PCDHGB2: variants seen among roughly 807,000 people sequenced by gnomAD.
PCDHGB2 encodes protocadherin gamma-B2.
A neutral mutation model predicts 59.3 loss-of-function variants in PCDHGB2; 55 were observed. The observed-to-expected ratio is 0.93, with a 90% CI of 0.75 to 1.16. The LOEUF is 1.16. Among genes scored for constraint, PCDHGB2 ranks in the 50% most tolerant of loss-of-function variants. PCDHGB2 has a pLI of 0.00. For missense variants in PCDHGB2, 1,228 were observed against 1,198.5 expected (o/e 1.02, Z -0.36); for synonymous variants, 516 against 512.0 (o/e 1.01, Z -0.11).
At chr5:141,417,882 G>A (rs1170069976) in intron 1 of PCDHGB2, 8 of 1,560,746 alleles carry the variant, frequency 5.1e-6, no homozygotes, top group African/African-American at 1.4e-5. Flanking sequence ...TGCGCGCAGA[G>A]GCGCCGGGCC....
At chr5:141,390,370 A>G (rs1252386186) in intron 1 of PCDHGB2, 7 of 1,504,066 alleles carry the variant, frequency 4.7e-6, no homozygotes, top group African/African-American at 4.2e-5. Context: ...AGGAAAATAT[A>G]TAATTTTTAG....
chr5:141,419,122 C>T (rs1418298635), intron 1 of PCDHGB2: 2 of 1,613,862 alleles, frequency 1.2e-6, no homozygotes, highest in African/African-American at 1.3e-5. Flanking sequence ...ACAACGTCAC[C>T]ATCGCAGCCA....
At chr5:141,384,163 C>T in intron 1 of PCDHGB2, 1 of 1,613,658 alleles carries the variant, frequency 6.2e-7, no homozygotes, top group Non-Finnish European at 8.5e-7. Context: ...TAACATCACA[C>T]TGAAAGCCAC....
chr5:141,410,295 T>C (rs1043971768), intron 1 of PCDHGB2: 2 of 1,613,982 alleles, frequency 1.2e-6, no homozygotes, highest in East Asian at 2.2e-5. Context: ...GCCTTGGCCT[T>C]AATCTCAGTG....
intron 1 of PCDHGB2, chr5:141,405,379 G>T: frequency 1.2e-6 from 2 of 1,606,832 alleles, no homozygotes; most frequent in Non-Finnish European, 1.7e-6. Flanking sequence ...TGGTTCCGGT[G>T]AGTTCATTTT....
In PCDHGB2 at chr5:141,364,165, C is replaced by A. The variant is rs556224229; in HGVS notation, c.2421+1609C>A. ...GGAAAGAAGCTGCCGCAGAGGCGAC[C>A]CGACTCTGCTCCCTCCATACTAAAC... On this transcript the variant is annotated intron_variant, in intron 1 of 3. Coordinates refer to ENST00000522605, the MANE Select transcript of PCDHGB2 (RefSeq NM_018923.3). The A allele has an allele frequency of 4.3e-6, 3 of 699,866 alleles. No individual in the cohort carries two copies. In the Admixed American group the frequency reaches 1.1e-4, roughly 26 times the overall value. 43.4% of individuals were successfully genotyped at this position (699,866 alleles called of 1,614,324 possible).
chr5:141,438,700 AC>A (rs2098052453), intron 1 of PCDHGB2, among the ~76,000 whole-genome samples: 1 of 144,406 alleles, frequency 6.9e-6, no homozygotes, highest in Non-Finnish European at 1.5e-5. Context: ...TTGCTCTGTC[AC>A]CCAGGCTGGA....
At chr5:141,446,624 G>C (rs1433894248) in intron 1 of PCDHGB2, among the ~76,000 whole-genome samples, 1 of 151,930 alleles carries the variant, frequency 6.6e-6, no homozygotes, top group African/African-American at 2.4e-5. Flanking sequence ...CTACAGGCGT[G>C]CACCACCACG....
At chr5:141,365,384 C>G in intron 1 of PCDHGB2, 1 of 1,614,020 alleles carries the variant, frequency 6.2e-7, no homozygotes, top group Non-Finnish European at 8.5e-7. Context: ...CCTCACCTCT[C>G]TGACCAGTTC....
At position 141,432,299 on chromosome 5, in the gene PCDHGB2, C is replaced by G; in HGVS notation, c.2422-62508C>G. ...GTCCATCAACTCCGACACTGGGGTA[C>G]TGTATGCGCTGAGCTCCTTCGACTA... is the stretch of plus-strand genomic sequence containing the variant. On this transcript the variant is annotated intron_variant, in intron 1 of 3. Transcript: ENST00000522605. This position sits in a 1 kb window ranked among gnomAD's most constrained non-coding sequence, Gnocchi z 6.0. The G allele has an allele frequency of 2.5e-6, 4 of 1,614,278 alleles. No homozygotes were observed. The highest frequency in any genetic ancestry group is 3.4e-6 in the Non-Finnish European group (4 of 1,180,056).
In PCDHGB2 at chr5:141,431,584, G is replaced by C. The variant is rs201462681; in HGVS notation, c.2422-63223G>C. 5.0e-6 allele frequency: 8 copies of C among 1,614,192 alleles called. No individual in the cohort carries two copies. The Admixed American group carries it at 1.3e-4, about 27-fold the overall frequency. ...CCGACCCTGACGAAGGAGTCAATGC[G>C]GAAGTGAGGTATTCCTTCCGGTATG... On this transcript the variant is annotated intron_variant, in intron 1 of 3. Transcript: ENST00000522605. This position sits in a 1 kb window ranked among gnomAD's most constrained non-coding sequence, Gnocchi z 4.8.
At position 141,409,164 on chromosome 5, in the gene PCDHGB2, C is replaced by T. The variant is rs115772303; in HGVS notation, c.2421+46608C>T. ...GAAAGGTACACCATGGAAGTGGAAG[C>T]GAAGGACGGAGGTGGTCTCTCTACC... On this transcript the variant is annotated intron_variant, in intron 1 of 3. Transcript: ENST00000522605. 2.0e-3 allele frequency: 3,227 copies of T among 1,613,908 alleles called. 51 individuals are homozygous for T. In the African/African-American group the frequency reaches 0.029, roughly 14 times the overall value.
intron 1 of PCDHGB2, chr5:141,402,972 G>A (rs758148844): frequency 6.2e-7 from 1 of 1,608,316 alleles, no homozygotes; most frequent in Non-Finnish European, 8.5e-7. Context: ...CCAACCAAAT[G>A]CCAGCTCCGC....
At chr5:141,492,553 G>A (rs1184580300) in intron 1 of PCDHGB2, among the ~76,000 whole-genome samples, 1 of 152,148 alleles carries the variant, frequency 6.6e-6, no homozygotes, top group Non-Finnish European at 1.5e-5. Flanking sequence ...CGGGTCGCCT[G>A]GGGGGCGGCC....
Position 141,489,712 on chromosome 5 carries a change from C to G in PCDHGB2, c.2422-5095C>G. On this transcript the variant is annotated intron_variant, in intron 1 of 3. Transcript: ENST00000522605. The surrounding 1 kb of genome is among the most constrained non-coding windows in gnomAD (Gnocchi z 4.5). ...GGCACGATTCCCACTGGACAGTGCC[C>G]AGGATCCGGATGTGGGCACCAATAC... The G allele has an allele frequency of 6.2e-7, 1 of 1,614,162 alleles. No individual in the cohort carries two copies. Among genetic ancestry groups the G allele is most frequent in the South Asian group, 1.1e-5 (1 of 91,078 alleles).
At chr5:141,430,781 C>T (rs559701152) in intron 1 of PCDHGB2, 6 of 1,510,922 alleles carry the variant, frequency 4.0e-6, no homozygotes, top group South Asian at 2.7e-5. Context: ...GCGACTGCAC[C>T]GGGACTACAA....
chr5:141,375,377 C>G, intron 1 of PCDHGB2: 1 of 1,613,940 alleles, frequency 6.2e-7, no homozygotes, highest in South Asian at 1.1e-5. Context: ...AACACCACCT[C>G]TGTCTACAGA....
rs1554116817 is a variant in PCDHGB2 at position 141,423,755 on chromosome 5, G to GGC, written c.2421+61200_2421+61201insCG. 3 of 512,420 alleles carry GGC rather than the reference G, an allele frequency of 5.9e-6. No individual in the cohort carries two copies. The African/African-American group carries it at 8.1e-5, about 14-fold the overall frequency. 31.7% of individuals were successfully genotyped at this position (512,420 alleles called of 1,614,324 possible). A position where few individuals can be genotyped will look rare whatever the true frequency, so the allele number is the denominator to read the frequency against. On this transcript the variant is annotated intron_variant, in intron 1 of 3. Coordinates refer to ENST00000522605, the MANE Select transcript of PCDHGB2 (RefSeq NM_018923.3). ...AGCCTGTTATGAAAACTGTTTGGGGGGGGGGTGGGGCGGCATATATTTAGT... is the reference window on the plus strand; with the variant it reads ...AGCCTGTTATGAAAACTGTTTGGGGGGCGGGGGTGGGGCGGCATATATTTAGT...
chr5:141,373,632 T>C (rs1769740569), intron 1 of PCDHGB2, among the ~76,000 whole-genome samples: 1 of 152,264 alleles, frequency 6.6e-6, no homozygotes, highest in African/African-American at 2.4e-5. Context: ...ATATTATTTC[T>C]GTTCCCCAAG....
Sources: allele counts gnomAD v4.1 joint callset (sites outside exome capture counted in the v4.1 genomes callset), GRCh38; gene constraint gnomAD v4.1.1; non-coding constraint Gnocchi (gnomAD v3.1); transcripts MANE v1.5; gene names NCBI Gene and HGNC (gene_info 2026-07-23, HGNC 2026-07-21).